ANKRD27: variants seen among roughly 807,000 people sequenced by gnomAD.
ANKRD27 encodes ankyrin repeat domain-containing protein 27.
ANKRD27 carries 112 observed loss-of-function variants against 129.7 expected under a neutral mutation model. That is an observed-to-expected ratio of 0.86 (90% confidence interval 0.74 to 1.01). The LOEUF is 1.01. ANKRD27 is among the 50% of genes least tolerant of loss of function. ANKRD27 has a pLI of 0.00. For synonymous variants in ANKRD27, 516 were observed against 511.2 expected, an observed-to-expected ratio of 1.01 and a Z score of -0.13; for missense variants, 1,258 against 1,300.5, an observed-to-expected ratio of 0.97 and a Z score of 0.50.
At chr19:32,607,892 G>C (rs967256830) in intron 22 of ANKRD27, 60 bp from the exon 23 acceptor site, 1 of 1,522,786 alleles carries the variant, frequency 6.6e-7, no homozygotes, top group Non-Finnish European at 8.9e-7. Flanking sequence ...CTGGGCTGGA[G>C]TGATTGGCAC....
Position 32,625,971 on chromosome 19 carries a change from G to A in ANKRD27, c.1537-5C>T, listed in dbSNP as rs765337991. The A allele has an allele frequency of 1.3e-5, 21 of 1,600,776 alleles. No individual in the cohort carries two copies. Among genetic ancestry groups the A allele is most frequent in the South Asian group, 2.3e-5 (2 of 88,568 alleles). On this transcript the variant is annotated splice_polypyrimidine_tract_variant and splice_region_variant and intron_variant, in intron 16 of 28. Transcript: ENST00000306065. ...CTTGTAGTGCAGCAGCAGCAGCTGC[G>A]GAGATAAAGGAAAGCGATGAGCAGG...
Position 32,607,697 on chromosome 19 carries a change from C to T in ANKRD27, c.2311G>A (p.Gly771Ser). 6.2e-7 allele frequency: 1 copy of T among 1,612,890 alleles called. No individual in the cohort carries two copies. ...PLLLKHGANAGARNADQAVPL... is the reference protein window; with the variant it reads ...PLLLKHGANASARNADQAVPL... ...ACGGCTTGGTCTGCGTTCCTGGCAC[C>T]TGCGTTGGCCCCGTGCTTCAGCAGG... The change falls in exon 23 of 29, where the codon GGT (glycine) becomes AGT (serine). Residue 771 changes from glycine (G) to serine (S), a missense_variant. Transcript: ENST00000306065.
intron 17 of ANKRD27, among the ~76,000 whole-genome samples, chr19:32,623,480 T>C (rs1284267130): frequency 6.6e-6 from 1 of 152,052 alleles, no homozygotes; most frequent in Non-Finnish European, 1.5e-5. Context: ...CCACACTTCC[T>C]GTGTGTTGTT....
intron 1 of ANKRD27, among the ~76,000 whole-genome samples, chr19:32,660,564 C>G (rs541536539): frequency 1.3e-5 from 2 of 152,088 alleles, no homozygotes; most frequent in East Asian, 1.9e-4. Flanking sequence ...TTTGCTCCTC[C>G]GGCCACGTGA....
chr19:32,644,796 A>G (rs983810529), intron 4 of ANKRD27, among the ~76,000 whole-genome samples: 1 of 152,250 alleles, frequency 6.6e-6, no homozygotes, highest in African/African-American at 2.4e-5. Flanking sequence ...TTTATTAAAA[A>G]TAACGAAATC....
chr19:32,607,484 G>T, intron 23 of ANKRD27, 151 bp downstream of exon 23: 1 of 905,534 alleles, frequency 1.1e-6, no homozygotes, highest in Non-Finnish European at 1.7e-6. Context: ...CCGAGGCTGA[G>T]TGGCCTACCG....
Position 32,639,355 on chromosome 19 carries a change from CA to C in ANKRD27, c.1116del (p.Glu373SerfsTer15). ...IRQGSLSAKP[P>X]ESEGFGDRLF... ...AGGCCAGGGCAGGGGTGAGATCTTA[CA>C]GGGGGTTTAGCAGAGAGGCTTCCTT... On this transcript the variant is annotated frameshift_variant and splice_region_variant, in exon 12 of 29. Coordinates refer to ENST00000306065, the MANE Select transcript of ANKRD27 (RefSeq NM_032139.3). LOFTEE classifies it high-confidence loss of function. The C allele has an allele frequency of 6.2e-7, 1 of 1,614,152 alleles. No homozygotes were observed. The highest frequency in any genetic ancestry group is 8.5e-7 in the Non-Finnish European group (1 of 1,180,012).
At chr19:32,605,760 T>C (rs1431505306) in intron 24 of ANKRD27, 75 bp downstream of exon 24, 23 of 1,572,262 alleles carry the variant, frequency 1.5e-5, no homozygotes, top group Non-Finnish European at 1.4e-5. Context: ...CCCAGTGCGC[T>C]GCGGGGGTCG....
intron 12 of ANKRD27, among the ~76,000 whole-genome samples, chr19:32,633,240 T>C (rs1967030459): frequency 6.6e-6 from 1 of 152,052 alleles, no homozygotes; most frequent in African/African-American, 2.4e-5. Context: ...GGGTAAATCC[T>C]TTCTATGAGA....
rs1054904169 is a variant in ANKRD27 at position 32,672,566 on chromosome 19, T to C, written c.-31+2505A>G. 9.2e-5 allele frequency among the ~76,000 whole-genome samples: 14 copies of C among 152,208 alleles called. No homozygotes were observed. In the East Asian group the frequency reaches 2.1e-3, roughly 23 times the overall value. ...TAGGTGAGGGGCTAACCCCAGGTCA[T>C]AGCCAAGCAAGCACAAAGGCAAAAA... On this transcript the variant is annotated intron_variant, in intron 1 of 28. Transcript: ENST00000306065.
chr19:32,613,461 T>C (rs1228244956), intron 22 of ANKRD27, among the ~76,000 whole-genome samples: 1 of 152,166 alleles, frequency 6.6e-6, no homozygotes, highest in Non-Finnish European at 1.5e-5. Flanking sequence ...AAATGAAAAC[T>C]TGTGTTCTTA....
intron 1 of ANKRD27, among the ~76,000 whole-genome samples, chr19:32,670,484 G>T (rs1295818800): frequency 1.3e-5 from 2 of 151,972 alleles, no homozygotes; most frequent in East Asian, 3.9e-4. Context: ...GACCAGCCTG[G>T]CCAACATGGC....
chr19:32,668,020 G>A (rs1383514500), intron 1 of ANKRD27, among the ~76,000 whole-genome samples: 2 of 152,118 alleles, frequency 1.3e-5, no homozygotes, highest in African/African-American at 2.4e-5. Flanking sequence ...ATGCTTCCTT[G>A]GGAAAACACT....
intron 1 of ANKRD27, among the ~76,000 whole-genome samples, chr19:32,673,649 T>A (rs1967915480): frequency 6.6e-6 from 1 of 152,168 alleles, no homozygotes; most frequent in Non-Finnish European, 1.5e-5. Context: ...AACGACCCTA[T>A]GTAGCGTGTG....
At chr19:32,664,490 G>A (rs1031229976) in intron 1 of ANKRD27, among the ~76,000 whole-genome samples, 3 of 151,832 alleles carry the variant, frequency 2.0e-5, no homozygotes, top group African/African-American at 7.3e-5. Flanking sequence ...ATGATGGCAG[G>A]TGACTGTAAT....
chr19:32,651,780 C>T (rs1378104565), intron 2 of ANKRD27, among the ~76,000 whole-genome samples: 1 of 152,194 alleles, frequency 6.6e-6, no homozygotes, highest in Non-Finnish European at 1.5e-5. Context: ...TAATGCACGT[C>T]TGGCCCCATT....
Position 32,611,672 on chromosome 19 carries a change from C to A in ANKRD27, c.2176-3840G>T, listed in dbSNP as rs561648580. 3.9e-5 allele frequency among the ~76,000 whole-genome samples: 6 copies of A among 152,314 alleles called. No individual in the cohort carries two copies. In the South Asian group the frequency reaches 1.2e-3, roughly 32 times the overall value. On this transcript the variant is annotated intron_variant, in intron 22 of 28. Coordinates refer to ENST00000306065, the MANE Select transcript of ANKRD27 (RefSeq NM_032139.3). ...TCTCGGCTCACCGCAACCTCCGCCT[C>A]CTGGGTTCAAGCGATTCTCCTGCCT...
chr19:32,651,592 G>A (rs1398874457), intron 2 of ANKRD27, among the ~76,000 whole-genome samples: 1 of 151,996 alleles, frequency 6.6e-6, no homozygotes, highest in African/African-American at 2.4e-5. Flanking sequence ...GGATGGTCTC[G>A]ATCTCCTGAC....
chr19:32,635,466 TTTTATTTA>T (rs905689955), intron 12 of ANKRD27, among the ~76,000 whole-genome samples: 5 of 152,094 alleles, frequency 3.3e-5, no homozygotes, highest in African/African-American at 1.2e-4. Context: ...ACGCATTCTT[TTTTATTTA>T]TTTATTTATT....
Sources: gnomAD v4.1 joint callset for allele counts (sites outside exome capture counted in the v4.1 genomes callset) on GRCh38, gnomAD v4.1.1 for gene constraint, MANE v1.5 for transcripts, NCBI Gene and HGNC (gene_info 2026-07-23, HGNC 2026-07-21) for gene names.